The following RPP14 variants were observed in gnomAD, a reference collection of about 807,000 sequenced individuals.
The protein encoded by RPP14 is ribonuclease P/MRP subunit p14.
In RPP14, 19 loss-of-function variants were observed where a neutral mutation model predicts 17.8. The observed-to-expected ratio is 1.07, with a 90% confidence interval of 0.74 to 1.57. RPP14 has a LOEUF of 1.57. Ranked by LOEUF, RPP14 falls within the 40% of genes most tolerant of loss-of-function variation. RPP14 has a pLI of 0.00. For missense variants in RPP14, 125 were observed against 140.8 expected, an observed-to-expected ratio of 0.89 and a Z score of 0.57; for synonymous variants, 60 against 56.4, an observed-to-expected ratio of 1.06 and a Z score of -0.29.
At chr3:58,307,403 G>A (rs868360617) in intron 1 of RPP14, among the ~76,000 whole-genome samples, 2 of 152,204 alleles carry the variant, frequency 1.3e-5, no homozygotes, top group Non-Finnish European at 2.9e-5. Context: ...GGTCAGATTA[G>A]GAGCATCCCT....
chr3:58,312,221 G>T (rs2097482989), intron 3 of RPP14, among the ~76,000 whole-genome samples: 1 of 152,010 alleles, frequency 6.6e-6, no homozygotes, highest in Non-Finnish European at 1.5e-5. Flanking sequence ...ATTCCTCCCA[G>T]TAGTGTGTGA....
intron 3 of RPP14, among the ~76,000 whole-genome samples, chr3:58,314,939 C>T (rs562720883): frequency 2.6e-5 from 4 of 152,206 alleles, no homozygotes; most frequent in East Asian, 1.9e-4. Flanking sequence ...CCTGCCTTGG[C>T]CTCCCAAAGT....
intron 5 of RPP14, 114 bp from the exon 6 acceptor site, chr3:58,317,326 T>C (rs1027451128): frequency 1.6e-5 from 11 of 701,780 alleles, no homozygotes; most frequent in Non-Finnish European, 2.7e-5. Context: ...GGATGCTCTG[T>C]AAAATGCTCC....
chr3:58,316,286 A>C (rs1490667659), intron 3 of RPP14, among the ~76,000 whole-genome samples: 4 of 152,218 alleles, frequency 2.6e-5, no homozygotes, highest in African/African-American at 9.6e-5. Flanking sequence ...GTCAAGGAAC[A>C]ATTTAAATGA....
At chr3:58,311,356 T>A (rs2097482056) in intron 3 of RPP14, among the ~76,000 whole-genome samples, 1 of 152,220 alleles carries the variant, frequency 6.6e-6, no homozygotes, top group Non-Finnish European at 1.5e-5. Context: ...GGTTTCGTCA[T>A]GTTGGCCAGG....
intron 3 of RPP14, 102 bp from the exon 4 acceptor site, chr3:58,316,413 A>G: frequency 9.8e-7 from 1 of 1,023,486 alleles, no homozygotes; most frequent in South Asian, 1.3e-5. Context: ...AATACTGCTT[A>G]TGTGGAGGAG....
In RPP14 at chr3:58,317,993, C is replaced by T; in HGVS notation, c.*497C>T. The T allele has an allele frequency of 1.4e-6, 1 of 702,884 alleles. No homozygotes were observed. The allele number at this position is 702,884 out of a possible 1,614,324, so 43.5% of individuals were successfully genotyped here. ...TATATTGGAGAAGTTGTTTTAGCTT[C>T]TGCAGAAGTGAAAAAGCTGAAGCGG... On this transcript the variant is annotated 3_prime_UTR_variant, in exon 6 of 6. Coordinates refer to ENST00000295959, the MANE Select transcript of RPP14 (RefSeq NM_007042.6).
At chr3:58,312,335 C>T (rs1203300439) in intron 3 of RPP14, among the ~76,000 whole-genome samples, 3 of 83,778 alleles carry the variant, frequency 3.6e-5, no homozygotes, top group African/African-American at 1.3e-4. Context: ...AACCTCCGCA[C>T]CCCCCCCCGC....
intron 1 of RPP14, among the ~76,000 whole-genome samples, chr3:58,308,241 C>T (rs377417159): frequency 6.6e-6 from 1 of 152,058 alleles, no homozygotes; most frequent in Non-Finnish European, 1.5e-5. Context: ...TATCACTTTT[C>T]TCTCATTTGA....
chr3:58,311,299 C>T (rs1383135885), intron 3 of RPP14, among the ~76,000 whole-genome samples: 1 of 152,158 alleles, frequency 6.6e-6, no homozygotes, highest in Non-Finnish European at 1.5e-5. Flanking sequence ...AGATTACAGG[C>T]ACACGCTACC....
chr3:58,313,471 C>A (rs994026308), intron 3 of RPP14, among the ~76,000 whole-genome samples: 1 of 152,262 alleles, frequency 6.6e-6, no homozygotes. Context: ...TCTGTCAAAT[C>A]AAAATATGCT....
At chr3:58,316,161 A>G (rs2097488091) in intron 3 of RPP14, among the ~76,000 whole-genome samples, 1 of 152,250 alleles carries the variant, frequency 6.6e-6, no homozygotes, top group African/African-American at 2.4e-5. Flanking sequence ...TTCTTGTAGT[A>G]GGAAAACATG....
chr3:58,310,445 T>C, intron 2 of RPP14, 39 bp downstream of exon 2: 1 of 1,608,908 alleles, frequency 6.2e-7, no homozygotes. Flanking sequence ...AGATTACTTT[T>C]CTAACATGAA....
At chr3:58,307,079 T>C (rs1314615376) in intron 1 of RPP14, among the ~76,000 whole-genome samples, 1 of 152,056 alleles carries the variant, frequency 6.6e-6, no homozygotes, top group Non-Finnish European at 1.5e-5. Context: ...GGGGAAAAGC[T>C]AGAGCCGAGG....
chr3:58,317,890 T>A lies in RPP14; in HGVS notation c.*394T>A. ...TGGAGTTTTGATCAACGGACTTATCTCAGCTCTCCTAGGAACTAAAATGCC... is the reference window on the plus strand; with the variant it reads ...TGGAGTTTTGATCAACGGACTTATCACAGCTCTCCTAGGAACTAAAATGCC... On this transcript the variant is annotated 3_prime_UTR_variant, in exon 6 of 6. Coordinates refer to ENST00000295959, the MANE Select transcript of RPP14 (RefSeq NM_007042.6). 1.4e-6 allele frequency: 1 copy of A among 703,034 alleles called. No individual in the cohort carries two copies. The highest frequency in any genetic ancestry group is 2.7e-5 in the East Asian group (1 of 37,292). 43.5% of individuals were successfully genotyped at this position (703,034 alleles called of 1,614,324 possible).
At chr3:58,316,640 A>T in intron 4 of RPP14, 49 bp downstream of exon 4, 1 of 1,488,832 alleles carries the variant, frequency 6.7e-7, no homozygotes, top group Non-Finnish European at 9.4e-7. Flanking sequence ...AGAGAGACCG[A>T]TGGAGCAAAA....
rs901122343 is a variant in RPP14 at position 58,320,071 on chromosome 3, G to T, written c.*2575G>T. ...GACATTTCATAAAAGTTCATACAAT[G>T]TATGATCCTTTGGAACTGGCTTCTT... On this transcript the variant is annotated 3_prime_UTR_variant, in exon 6 of 6. Coordinates refer to ENST00000295959, the MANE Select transcript of RPP14 (RefSeq NM_007042.6). 1 of 152,038 alleles carries T rather than the reference G, an allele frequency of 6.6e-6. No individual in the cohort carries two copies. Among genetic ancestry groups the T allele is most frequent in the East Asian group, 1.9e-4 (1 of 5,204 alleles). 9.4% of individuals were successfully genotyped at this position (152,038 alleles called of 1,614,324 possible). A position where few individuals can be genotyped will look rare whatever the true frequency, so the allele number is the denominator to read the frequency against.
Position 58,316,666 on chromosome 3 carries a change from A to T in RPP14, c.239+75A>T. The T allele has an allele frequency of 6.1e-6, 8 of 1,321,420 alleles. No homozygotes were observed. The South Asian group carries it at 9.6e-5, about 16-fold the overall frequency. 81.9% of individuals were successfully genotyped at this position (1,321,420 alleles called of 1,614,324 possible). ...TGGAGCAAAAATGCTCTCTTCTGAG[A>T]ATGAGAATAAATTTTTTGTTGTGAA... is the stretch of plus-strand genomic sequence containing the variant. On this transcript the variant is annotated intron_variant, in intron 4 of 5. Transcript: ENST00000295959.
chr3:58,310,164 A>G, intron 1 of RPP14, 145 bp from the exon 2 acceptor site: 1 of 617,088 alleles, frequency 1.6e-6, no homozygotes, highest in East Asian at 2.8e-5. Flanking sequence ...CTCTGATTGT[A>G]CCACTGCACT....
Sources: gnomAD v4.1 joint callset for allele counts (sites outside exome capture counted in the v4.1 genomes callset) on GRCh38, gnomAD v4.1.1 for gene constraint, MANE v1.5 for transcripts, NCBI Gene and HGNC (gene_info 2026-07-23, HGNC 2026-07-21) for gene names.